The following APLF variants were observed in gnomAD, a reference collection of about 807,000 sequenced individuals.
APLF encodes the protein aprataxin and PNK-like factor.
Under a neutral mutation model 55.6 loss-of-function variants are expected in APLF, and 61 were observed. The ratio of observed to expected loss-of-function variants is 1.10; its 90% CI spans 0.89 to 1.36. The LOEUF (loss-of-function observed/expected upper bound fraction) is 1.36, where lower values mean the gene tolerates loss of function less well. Among genes scored for constraint, APLF ranks in the 40% most tolerant of loss-of-function variants. The probability of loss-of-function intolerance (pLI) is 0.00; values close to 1 mark genes in which losing one functional copy is unlikely to be tolerated. For missense variants in APLF, 611 were observed against 602.5 expected, an observed-to-expected ratio of 1.01 and a Z score of -0.15; for synonymous variants, 207 against 214.8, an observed-to-expected ratio of 0.96 and a Z score of 0.32.
At chr2:68,522,220 G>A (rs1018863509) in intron 5 of APLF, among the ~76,000 whole-genome samples, 3 of 151,678 alleles carry the variant, frequency 2.0e-5, no homozygotes, top group African/African-American at 7.3e-5. Flanking sequence ...GTCATATCAT[G>A]TTTAGTATGG....
chr2:68,495,505 T>C (rs1322242668), intron 2 of APLF, among the ~76,000 whole-genome samples: 2 of 152,220 alleles, frequency 1.3e-5, no homozygotes, highest in East Asian at 3.9e-4. Flanking sequence ...TCCACCCCTC[T>C]GGCTTTGGAG....
chr2:68,570,953 A>C (rs552586460), intron 9 of APLF, among the ~76,000 whole-genome samples: 12 of 152,258 alleles, frequency 7.9e-5, no homozygotes, highest in African/African-American at 1.2e-4. Flanking sequence ...CCTCTCCAGC[A>C]CCTGTTGTTT....
At chr2:68,485,027 A>G (rs1676085402) in intron 1 of APLF, among the ~76,000 whole-genome samples, 1 of 152,054 alleles carries the variant, frequency 6.6e-6, no homozygotes, top group Non-Finnish European at 1.5e-5. Context: ...AAGTACATAC[A>G]TGCATTATGG....
intron 8 of APLF, among the ~76,000 whole-genome samples, chr2:68,549,031 A>C (rs1177792142): frequency 6.6e-6 from 1 of 152,040 alleles, no homozygotes; most frequent in Non-Finnish European, 1.5e-5. Context: ...ATAAATCTTT[A>C]ATATTATTCA....
chr2:68,519,037 T>TAC (rs1669799969), intron 5 of APLF, among the ~76,000 whole-genome samples: 1 of 123,776 alleles, frequency 8.1e-6, no homozygotes, highest in Non-Finnish European at 1.6e-5. Context: ...ATATGATTAA[T>TAC]ATATAATAAT....
At chr2:68,551,262 A>T (rs538350817) in intron 8 of APLF, among the ~76,000 whole-genome samples, 1 of 151,786 alleles carries the variant, frequency 6.6e-6, no homozygotes, top group African/African-American at 2.4e-5. Context: ...TTCTTTCACC[A>T]CTCTTAAGAT....
intron 8 of APLF, among the ~76,000 whole-genome samples, chr2:68,567,122 C>T (rs1189436560): frequency 6.6e-6 from 1 of 151,932 alleles, no homozygotes; most frequent in African/African-American, 2.4e-5. Flanking sequence ...GAGGTAAGAA[C>T]TTTGTCTTCT....
intron 5 of APLF, chr2:68,515,864 T>G (rs778780771): frequency 2.5e-5 from 13 of 515,154 alleles, no homozygotes; most frequent in Non-Finnish European, 3.2e-5. Flanking sequence ...TAATTAAAAG[T>G]TAAAACAATT....
At chr2:68,556,902 A>C (rs1671033042) in intron 8 of APLF, among the ~76,000 whole-genome samples, 1 of 152,200 alleles carries the variant, frequency 6.6e-6, no homozygotes, top group African/African-American at 2.4e-5. Context: ...GACAGAACAC[A>C]ATGTTTTACC....
At chr2:68,479,378 G>C (rs74421892) in intron 1 of APLF, among the ~76,000 whole-genome samples, 2,066 of 152,280 alleles carry the variant, frequency 0.014, 41 homozygotes, top group African/African-American at 0.046. Flanking sequence ...TTATGACAAA[G>C]CCAATCAAAT....
intron 6 of APLF, among the ~76,000 whole-genome samples, 196 bp from the exon 7 acceptor site, chr2:68,537,676 C>A (rs1339310729): frequency 3.3e-5 from 5 of 152,066 alleles, no homozygotes; most frequent in Admixed American, 1.3e-4. Flanking sequence ...GGCCAAATTT[C>A]TTTTCAAAAA....
intron 7 of APLF, 103 bp downstream of exon 7, chr2:68,538,330 C>T: frequency 9.5e-7 from 1 of 1,050,950 alleles, no homozygotes; most frequent in Admixed American, 3.2e-5. Flanking sequence ...ACCCACTGGC[C>T]TAAAGGTTAG....
chr2:68,565,751 AAC>A (rs1330249312), intron 8 of APLF, among the ~76,000 whole-genome samples: 4 of 152,140 alleles, frequency 2.6e-5, no homozygotes, highest in African/African-American at 7.2e-5. Context: ...AAATATTTTA[AAC>A]ACACTATACT....
chr2:68,541,444 C>T (rs538777808), intron 7 of APLF, among the ~76,000 whole-genome samples: 1 of 151,854 alleles, frequency 6.6e-6, no homozygotes, highest in East Asian at 1.9e-4. Context: ...AAGAAAATGA[C>T]AACTCAGTTA....
At position 68,536,175 on chromosome 2, in the gene APLF, C is replaced by T. The variant is rs189117321; in HGVS notation, c.805-1697C>T. Among the ~76,000 whole-genome samples the T allele has an allele frequency of 3.3e-5, 5 of 152,188 alleles. No homozygotes were observed. In the East Asian group the frequency reaches 9.7e-4, roughly 29 times the overall value. The stretch of plus-strand genomic sequence containing the variant: ...GGGTTGAGATTGGGGTGTACTTGTG[C>T]AGCGTGGGAGCAAAGAGCGTATGTT... On this transcript the variant is annotated intron_variant, in intron 6 of 9. Transcript: ENST00000303795.
In APLF at chr2:68,567,371, A is replaced by G. The variant is rs757056563; in HGVS notation, c.1317A>G (p.Arg439=). Residue 439 remains arginine, a synonymous_variant, in exon 9 of 10, where the codon AGA becomes AGG. Transcript: ENST00000303795. ...ATCCCCAGCACAAGATAGAATATAG[A>G]CATAATACGCTTCCAGGTAAGTAAG... is the stretch of plus-strand genomic sequence containing the variant. ...RKNPQHKIEY[R]HNTLPVRNVL... The G allele has an allele frequency of 1.2e-6, 2 of 1,603,580 alleles. No individual in the cohort carries two copies. The highest frequency in any genetic ancestry group is 1.4e-5 in the African/African-American group (1 of 74,070).
chr2:68,471,251 G>A (rs1472763888), intron 1 of APLF, among the ~76,000 whole-genome samples: 1 of 150,702 alleles, frequency 6.6e-6, no homozygotes, highest in African/African-American at 2.5e-5. Flanking sequence ...ATATAGTAAA[G>A]ATGCAGTCCT....
At chr2:68,576,487 A>G (rs948812670) in intron 9 of APLF, among the ~76,000 whole-genome samples, 3 of 152,112 alleles carry the variant, frequency 2.0e-5, no homozygotes, top group African/African-American at 7.2e-5. Context: ...AGCCTTGGCT[A>G]CCAAGAATCT....
chr2:68,510,655 A>T (rs1163221606), intron 3 of APLF, among the ~76,000 whole-genome samples: 1 of 151,906 alleles, frequency 6.6e-6, no homozygotes, highest in Non-Finnish European at 1.5e-5. Context: ...TGTGTGGCTC[A>T]GCATTTCCAC....
Sources: gnomAD v4.1 joint callset for allele counts (sites outside exome capture counted in the v4.1 genomes callset) on GRCh38, gnomAD v4.1.1 for gene constraint, MANE v1.5 for transcripts, NCBI Gene and HGNC (gene_info 2026-07-23, HGNC 2026-07-21) for gene names.